Variants in TNR observed in about 807,000 individuals in gnomAD.
TNR encodes tenascin R, also known as tenascin-R.
A neutral mutation model predicts 150.4 loss-of-function variants in TNR; 45 were observed. The ratio of observed to expected loss-of-function variants is 0.30; its 90% confidence interval spans 0.24 to 0.38. The LOEUF is 0.38. Among genes scored for constraint, TNR ranks in the 10% least tolerant of loss-of-function variants. The pLI is 1.00. For missense variants in TNR, 1,544 were observed against 1,759.1 expected (o/e 0.88, Z 2.19); for synonymous variants, 687 against 678.4 (o/e 1.01, Z -0.20).
At chr1:175,720,455 A>G (rs1667267361) in intron 1 of TNR, among the ~76,000 whole-genome samples, 1 of 152,218 alleles carries the variant, frequency 6.6e-6, no homozygotes, top group Non-Finnish European at 1.5e-5. Flanking sequence ...GCCTTAGCTG[A>G]CTAACATATC....
intron 2 of TNR, among the ~76,000 whole-genome samples, chr1:175,424,008 GT>G (rs921741941): frequency 7.9e-5 from 12 of 152,134 alleles, no homozygotes; most frequent in South Asian, 4.1e-4. Context: ...TGAAAAAAAA[GT>G]TTTTTTCTGA....
At chr1:175,735,526 CA>C (rs565101318) in intron 1 of TNR, among the ~76,000 whole-genome samples, 316 of 152,360 alleles carry the variant, frequency 2.1e-3, no homozygotes, top group Admixed American at 4.8e-3. Context: ...TCAGTGGCCA[CA>C]AGCCTTACAA....
intron 2 of TNR, among the ~76,000 whole-genome samples, chr1:175,416,141 C>T (rs1298015754): frequency 6.6e-6 from 1 of 151,584 alleles, no homozygotes; most frequent in Non-Finnish European, 1.5e-5. Context: ...CACACACACA[C>T]ACTATATATA....
chr1:175,331,874 G>T (rs948446279), intron 20 of TNR, among the ~76,000 whole-genome samples: 1 of 152,172 alleles, frequency 6.6e-6, no homozygotes, highest in Non-Finnish European at 1.5e-5. Context: ...GAAATGATTG[G>T]CTGAAGGTCA....
chr1:175,471,483 T>C (rs1258107476), intron 2 of TNR, among the ~76,000 whole-genome samples: 1 of 152,220 alleles, frequency 6.6e-6, no homozygotes, highest in Non-Finnish European at 1.5e-5. Flanking sequence ...CTGCGGAGCA[T>C]GTTACTGTAC....
chr1:175,569,937 C>T (rs537677858), intron 1 of TNR, among the ~76,000 whole-genome samples: 4 of 152,298 alleles, frequency 2.6e-5, no homozygotes, highest in African/African-American at 4.8e-5. Flanking sequence ...CCAGTCTACC[C>T]CTCAGGCTCA....
chr1:175,452,777 C>A (rs1466511829), intron 2 of TNR, among the ~76,000 whole-genome samples: 1 of 152,142 alleles, frequency 6.6e-6, no homozygotes, highest in Non-Finnish European at 1.5e-5. Context: ...GCATGATTCA[C>A]AATAGCCAAA....
chr1:175,496,812 G>T (rs1658509268), intron 2 of TNR, among the ~76,000 whole-genome samples: 1 of 152,198 alleles, frequency 6.6e-6, no homozygotes, highest in African/African-American at 2.4e-5. Flanking sequence ...AGATGCCACT[G>T]TAAACATTTT....
intron 7 of TNR, among the ~76,000 whole-genome samples, chr1:175,388,519 G>A (rs1653034199): frequency 6.6e-6 from 1 of 152,126 alleles, no homozygotes; most frequent in Admixed American, 6.5e-5. Context: ...CTTAGCAGAA[G>A]GAAATAATTA....
chr1:175,331,432 T>A (rs181310494), intron 20 of TNR, among the ~76,000 whole-genome samples: 4 of 151,986 alleles, frequency 2.6e-5, no homozygotes, highest in Non-Finnish European at 5.9e-5. Context: ...CCCAGCTCAT[T>A]TTTTGTATTT....
At chr1:175,355,110 T>C (rs2102005648) in intron 17 of TNR, among the ~76,000 whole-genome samples, 1 of 152,344 alleles carries the variant, frequency 6.6e-6, no homozygotes, top group African/African-American at 2.4e-5. Flanking sequence ...TCAGCCCTGT[T>C]GTTGAAAAAC....
intron 2 of TNR, among the ~76,000 whole-genome samples, chr1:175,517,059 AAGAG>A (rs140658436): frequency 1.8e-3 from 162 of 89,032 alleles, no homozygotes; most frequent in African/African-American, 7.4e-3. Context: ...GAGAGAGAGA[AAGAG>A]AGAGAGACCT....
At chr1:175,612,450 T>G (rs7518320) in intron 1 of TNR, among the ~76,000 whole-genome samples, 24,877 of 152,188 alleles carry the variant, frequency 0.16, 3,517 homozygotes, top group African/African-American at 0.38. Flanking sequence ...GGCAATGACC[T>G]TCTATTTCAG....
At chr1:175,390,067 T>TCTAG (rs1427806595) in intron 7 of TNR, among the ~76,000 whole-genome samples, 1 of 152,204 alleles carries the variant, frequency 6.6e-6, no homozygotes, top group Non-Finnish European at 1.5e-5. Flanking sequence ...TCCACTGGAT[T>TCTAG]CTAGCCTCAA....
chr1:175,719,904 A>C lies in TNR; in HGVS notation c.-165+23322T>G, dbSNP rs534192907. Among the ~76,000 whole-genome samples, 38 of 152,218 alleles carry C rather than the reference A, an allele frequency of 2.5e-4. No homozygotes were observed. The South Asian group carries it at 7.9e-3, about 32-fold the overall frequency. On this transcript the variant is annotated intron_variant, in intron 1 of 22. Transcript: ENST00000367674. ...TTGGAGCCAAGTATGTTTCTTCCTA[A>C]ATCTTCTCATTTCCACAACAGTTCC...
chr1:175,365,946 T>A lies in TNR; in HGVS notation c.2246A>T (p.Glu749Val), dbSNP rs1242691403. The A allele has an allele frequency of 6.2e-7, 1 of 1,614,156 alleles. No individual in the cohort carries two copies. The highest frequency in any genetic ancestry group is 8.5e-7 in the Non-Finnish European group (1 of 1,180,004). The part of the protein sequence containing the change: ...YTLTDLEPGA[E>V]YIISVTAERG... ...CTCAGCAGTGACGGAAATGATGTAC[T>A]CTGCCCCAGGCTCTAGATCTGTTAG... Residue 749 changes from glutamate to valine, a missense_variant, in exon 11 of 23, where the codon GAG becomes GTG. Transcript: ENST00000367674.
Position 175,316,728 on chromosome 1 carries a change from C to T in TNR, c.*6629G>A, listed in dbSNP as rs907223459. ...TTTATGTTCTGGTTCTTATCTTCCC[C>T]CTCTCATTCTGTTGGGGACCCTCTC... On this transcript the variant is annotated 3_prime_UTR_variant, in exon 23 of 23. Transcript: ENST00000367674. 1 of 152,066 alleles carries T rather than the reference C, an allele frequency of 6.6e-6. No individual in the cohort carries two copies. The highest frequency in any genetic ancestry group is 1.5e-5 in the Non-Finnish European group (1 of 68,020). The allele number at this position is 152,066 out of a possible 1,614,324, so 9.4% of individuals were successfully genotyped here. A position where few individuals can be genotyped will look rare whatever the true frequency, so the allele number is the denominator to read the frequency against.
chr1:175,622,549 C>A (rs1372812506), intron 1 of TNR, among the ~76,000 whole-genome samples: 1 of 152,216 alleles, frequency 6.6e-6, no homozygotes, highest in Admixed American at 6.5e-5. Context: ...ACGTGCCACT[C>A]ACACCCTGTC....
At position 175,406,284 on chromosome 1, in the gene TNR, A is replaced by T; in HGVS notation, c.431T>A (p.Leu144Gln). 1 of 1,614,080 alleles carries T rather than the reference A, an allele frequency of 6.2e-7. No individual in the cohort carries two copies. The highest frequency in any genetic ancestry group is 8.5e-7 in the Non-Finnish European group (1 of 1,180,000). Residue 144 changes from leucine (L) to glutamine (Q), a missense_variant, in exon 3 of 23, where the codon CTG becomes CAG. Physicochemically the swap from Leu to Gln is moderately radical, Grantham distance 113. Coordinates refer to ENST00000367674, the MANE Select transcript of TNR (RefSeq NM_003285.3). ...TCGCAGCACCGACACCTCCCTCTCC[A>T]GCATCTCGATCCGGCTCAGCAGCTC... ...LQELLSRIEM[L>Q]EREVSVLRDQ...
Sources: gnomAD v4.1 joint callset for allele counts (sites outside exome capture counted in the v4.1 genomes callset) on GRCh38, gnomAD v4.1.1 for gene constraint, MANE v1.5 for transcripts, NCBI Gene and HGNC (gene_info 2026-07-23, HGNC 2026-07-21) for gene names.